SPOPL: variants seen among roughly 807,000 people sequenced by gnomAD.
SPOPL encodes speckle type BTB/POZ protein like, also known as speckle-type POZ protein-like.
Under a neutral mutation model 53.8 loss-of-function variants are expected in SPOPL, and 23 were observed. The observed-to-expected ratio is 0.43, with a 90% CI of 0.31 to 0.61. SPOPL has a LOEUF of 0.61. SPOPL is among the 20% of genes least tolerant of loss of function. The pLI is 0.12. For missense variants in SPOPL, 442 were observed against 466.9 expected, an observed-to-expected ratio of 0.95 and a Z score of 0.49; for synonymous variants, 164 against 149.7, an observed-to-expected ratio of 1.10 and a Z score of -0.70.
At chr2:138,546,108 ATAGT>A (rs1244492736) in intron 1 of SPOPL, among the ~76,000 whole-genome samples, 4 of 152,180 alleles carry the variant, frequency 2.6e-5, no homozygotes, top group Admixed American at 2.6e-4. Context: ...ATAAAATTAG[ATAGT>A]TGTGTGTGTC....
intron 5 of SPOPL, among the ~76,000 whole-genome samples, chr2:138,555,963 C>T (rs928662522): frequency 6.6e-6 from 1 of 151,922 alleles, no homozygotes; most frequent in Non-Finnish European, 1.5e-5. Context: ...ATTCTAGGTT[C>T]CATTCAGTAA....
Position 138,521,556 on chromosome 2 carries a change from G to GT in SPOPL, c.-61+19445dup, listed in dbSNP as rs199626268. 2.0e-4 allele frequency among the ~76,000 whole-genome samples: 31 copies of GT among 151,758 alleles called. No individual in the cohort carries two copies. In the South Asian group the frequency reaches 2.9e-3, roughly 14 times the overall value. On this transcript the variant is annotated intron_variant, in intron 1 of 10. Transcript: ENST00000280098. Reference sequence around the variant, plus strand: ...TTCACTCTTAGTTTAATTTTTAGTTGTTTTTTTTGTGTGTGTGGGAGAACC... The same window carrying GT: ...TTCACTCTTAGTTTAATTTTTAGTTGTTTTTTTTTGTGTGTGTGGGAGAACC...
chr2:138,564,778 C>G lies in SPOPL; in HGVS notation c.908C>G (p.Ala303Gly), dbSNP rs1685623903. 1 of 1,614,002 alleles carries G rather than the reference C, an allele frequency of 6.2e-7. No homozygotes were observed. Among genetic ancestry groups the G allele is most frequent in the Non-Finnish European group, 8.5e-7 (1 of 1,180,020 alleles). ...AGTAACCTCTCAGTAGAGAATGTTG[C>G]AGATACCCTTGTCCTTGCAGATTTG... ...LCSNLSVENV[A>G]DTLVLADLHS... Residue 303 changes from alanine to glycine, a missense_variant, in exon 9 of 11, where the codon GCA becomes GGA. Coordinates refer to ENST00000280098, the MANE Select transcript of SPOPL (RefSeq NM_001001664.3).
chr2:138,517,980 G>C (rs1414124222), intron 1 of SPOPL, among the ~76,000 whole-genome samples: 1 of 150,098 alleles, frequency 6.7e-6, no homozygotes, highest in African/African-American at 2.5e-5. Context: ...CCTAGGAGGC[G>C]GAGGTGGCAG....
intron 1 of SPOPL, among the ~76,000 whole-genome samples, chr2:138,537,488 C>T (rs528266121): frequency 1.3e-5 from 2 of 152,172 alleles, no homozygotes; most frequent in Non-Finnish European, 2.9e-5. Flanking sequence ...TTTTTAACTA[C>T]CAGGCCCAGG....
chr2:138,522,125 A>G (rs1271531156), intron 1 of SPOPL, among the ~76,000 whole-genome samples: 1 of 152,194 alleles, frequency 6.6e-6, no homozygotes, highest in Non-Finnish European at 1.5e-5. Flanking sequence ...CAGGCCCTCC[A>G]AGGTAATTCT....
chr2:138,518,046 C>CAAA (rs61662616), intron 1 of SPOPL, among the ~76,000 whole-genome samples: 2 of 67,784 alleles, frequency 3.0e-5, no homozygotes, highest in Admixed American at 1.4e-4. Flanking sequence ...GAAACTGTCT[C>CAAA]AAAAAAAAAA....
intron 1 of SPOPL, among the ~76,000 whole-genome samples, chr2:138,505,652 G>T (rs138880070): frequency 1.4e-5 from 2 of 147,764 alleles, no homozygotes; most frequent in African/African-American, 5.0e-5. Flanking sequence ...GCACACACCT[G>T]TAGTCCCGGC....
At chr2:138,529,809 C>A (rs1440558319) in intron 1 of SPOPL, among the ~76,000 whole-genome samples, 1 of 152,076 alleles carries the variant, frequency 6.6e-6, no homozygotes, top group Non-Finnish European at 1.5e-5. Flanking sequence ...TCTGAAAATA[C>A]ATAATTTTTT....
At chr2:138,514,008 A>T (rs145301905) in intron 1 of SPOPL, among the ~76,000 whole-genome samples, 1 of 152,286 alleles carries the variant, frequency 6.6e-6, no homozygotes, top group East Asian at 1.9e-4. Context: ...ATGCAAAGAC[A>T]TGCACATATC....
At chr2:138,559,383 G>A in intron 7 of SPOPL, 46 bp downstream of exon 7, 1 of 1,527,950 alleles carries the variant, frequency 6.5e-7, no homozygotes, top group Non-Finnish European at 8.9e-7. Flanking sequence ...TAAACGTAAA[G>A]TAGTTGGGTG....
intron 1 of SPOPL, among the ~76,000 whole-genome samples, chr2:138,525,989 T>C (rs1333049807): frequency 6.6e-6 from 1 of 152,210 alleles, no homozygotes; most frequent in East Asian, 1.9e-4. Context: ...ATATGTCCTT[T>C]ATTAGCTCTA....
At chr2:138,565,272 A>G (rs370596398) in intron 10 of SPOPL, among the ~76,000 whole-genome samples, 1 of 152,188 alleles carries the variant, frequency 6.6e-6, no homozygotes, top group Non-Finnish European at 1.5e-5. Flanking sequence ...GATCTAGTCC[A>G]TGCCCCTTCA....
intron 1 of SPOPL, among the ~76,000 whole-genome samples, chr2:138,523,406 C>T (rs889270940): frequency 1.3e-5 from 2 of 152,088 alleles, no homozygotes; most frequent in African/African-American, 4.8e-5. Flanking sequence ...GGACACAGAG[C>T]CAAACCATAT....
At chr2:138,558,413 TTAA>T (rs1311563390) in intron 5 of SPOPL, among the ~76,000 whole-genome samples, 1 of 152,158 alleles carries the variant, frequency 6.6e-6, no homozygotes, top group Non-Finnish European at 1.5e-5. Context: ...TTCATGAACT[TTAA>T]TAATTACAGT....
chr2:138,506,585 C>G lies in SPOPL; in HGVS notation c.-61+4466C>G, dbSNP rs182463704. Among the ~76,000 whole-genome samples, 101 of 152,206 alleles carry G rather than the reference C, an allele frequency of 6.6e-4. 2 individuals are homozygous for G. Among genetic ancestry groups the G allele is most frequent in the Admixed American group, 2.2e-3 (34 of 15,280 alleles). On this transcript the variant is annotated intron_variant, in intron 1 of 10. Transcript: ENST00000280098. Reference sequence around the variant, plus strand: ...TGGGGGTCCTGGGGAGAGGAAAAGGCTGACTTCCAGGGCCAGTAGTTCTTG... The same window carrying G: ...TGGGGGTCCTGGGGAGAGGAAAAGGGTGACTTCCAGGGCCAGTAGTTCTTG...
intron 8 of SPOPL, chr2:138,564,376 A>C: frequency 4.5e-6 from 1 of 224,152 alleles, no homozygotes; most frequent in Non-Finnish European, 8.8e-6. Context: ...GGCAACATGC[A>C]GTATACTTGG....
At chr2:138,529,867 A>G (rs1294184468) in intron 1 of SPOPL, among the ~76,000 whole-genome samples, 2 of 152,170 alleles carry the variant, frequency 1.3e-5, no homozygotes, top group African/African-American at 4.8e-5. Flanking sequence ...TTTGTTATAT[A>G]GGTAAACTCC....
intron 1 of SPOPL, among the ~76,000 whole-genome samples, chr2:138,532,466 G>A (rs1433309291): frequency 8.5e-6 from 1 of 118,034 alleles, no homozygotes; most frequent in African/African-American, 3.3e-5. Flanking sequence ...TCGCTCTGTC[G>A]CTCAGGCTAG....
Sources: gnomAD v4.1 joint callset for allele counts (sites outside exome capture counted in the v4.1 genomes callset) on GRCh38, gnomAD v4.1.1 for gene constraint, MANE v1.5 for transcripts, NCBI Gene and HGNC (gene_info 2026-07-23, HGNC 2026-07-21) for gene names.